Variants in PIBF1 observed in about 807,000 individuals in gnomAD.
PIBF1 encodes progesterone-induced-blocking factor 1.
PIBF1 carries 90 observed loss-of-function variants against 112.5 expected under a neutral mutation model. The ratio of observed to expected loss-of-function variants is 0.80; its 90% CI spans 0.67 to 0.95. The LOEUF (loss-of-function observed/expected upper bound fraction) is 0.95. Ranked by LOEUF, PIBF1 falls within the 40% of genes least tolerant of loss-of-function variation. The pLI is 0.00. For missense variants in PIBF1, 915 were observed against 852.3 expected (o/e 1.07, Z -0.92); for synonymous variants, 301 against 288.6 (o/e 1.04, Z -0.44).
chr13:72,817,728 A>G (rs1203497056), intron 5 of PIBF1, among the ~76,000 whole-genome samples: 4 of 152,190 alleles, frequency 2.6e-5, no homozygotes, highest in African/African-American at 2.4e-5. Flanking sequence ...TGCTAAGCTC[A>G]AGACATGGAA....
In PIBF1 at chr13:72,928,034, T is replaced by TAC. The variant is rs1484352255; in HGVS notation, c.1731-3130_1731-3129insCA. 2.7e-4 allele frequency among the ~76,000 whole-genome samples: 38 copies of TAC among 141,974 alleles called. 1 individual carries two copies. Among genetic ancestry groups the TAC allele is most frequent in the African/African-American group, 9.8e-4 (37 of 37,912 alleles). The allele number at this position is 141,974 out of a possible 152,430, so 93.1% of individuals were successfully genotyped here. A position where few individuals can be genotyped will look rare whatever the true frequency, so the allele number is the denominator to read the frequency against. On this transcript the variant is annotated intron_variant, in intron 13 of 17. Transcript: ENST00000326291. ...ATATATACATATATATACATATATATATATATATATACATATATATATGAG... is the reference window on the plus strand; with the variant it reads ...ATATATACATATATATACATATATATACATATATATATACATATATATATGAG...
At chr13:72,977,428 A>G (rs188610837) in intron 16 of PIBF1, among the ~76,000 whole-genome samples, 27 of 152,110 alleles carry the variant, frequency 1.8e-4, no homozygotes, top group African/African-American at 5.5e-4. Context: ...GACTGGTCTC[A>G]AACTCCTGAC....
chr13:72,940,613 CTA>C (rs1194260869), intron 14 of PIBF1, among the ~76,000 whole-genome samples: 1 of 152,000 alleles, frequency 6.6e-6, no homozygotes, highest in Non-Finnish European at 1.5e-5. Flanking sequence ...TTTTGTATTC[CTA>C]TATGTTTTTG....
At chr13:72,851,273 C>T (rs1047859206) in intron 9 of PIBF1, among the ~76,000 whole-genome samples, 1 of 152,216 alleles carries the variant, frequency 6.6e-6, no homozygotes, top group Non-Finnish European at 1.5e-5. Context: ...TCACTATCTT[C>T]GGCCTAGGGA....
In PIBF1 at chr13:72,935,584, C is replaced by T. The variant is rs111940299; in HGVS notation, c.1833+4317C>T. Reference sequence around the variant, plus strand: ...TAGGAGTAGACTGGCCGGATCATATCGTAGGTGTCTATTTGACATCTTAAG... The same window carrying T: ...TAGGAGTAGACTGGCCGGATCATATTGTAGGTGTCTATTTGACATCTTAAG... On this transcript the variant is annotated intron_variant, in intron 14 of 17. Coordinates refer to ENST00000326291, the MANE Select transcript of PIBF1 (RefSeq NM_006346.4). Among the ~76,000 whole-genome samples the T allele has an allele frequency of 6.9e-3, 1,053 of 152,188 alleles. 23 individuals are homozygous for T. The highest frequency in any genetic ancestry group is 0.024 in the African/African-American group (990 of 41,510).
At chr13:72,837,809 C>A (rs1377659693) in intron 9 of PIBF1, among the ~76,000 whole-genome samples, 1 of 152,106 alleles carries the variant, frequency 6.6e-6, no homozygotes, top group African/African-American at 2.4e-5. Flanking sequence ...GTGGCTTCTT[C>A]ACATAACCTT....
intron 10 of PIBF1, among the ~76,000 whole-genome samples, chr13:72,887,189 G>T (rs532172038): frequency 6.6e-6 from 1 of 151,428 alleles, no homozygotes; most frequent in Non-Finnish European, 1.5e-5. Flanking sequence ...TAAATATACA[G>T]ATAACTAAAA....
At chr13:72,991,782 G>A (rs1210929606) in intron 16 of PIBF1, among the ~76,000 whole-genome samples, 5 of 151,146 alleles carry the variant, frequency 3.3e-5, no homozygotes, top group Admixed American at 2.6e-4. Context: ...GCAGTGGCAC[G>A]ATCTCGGCTC....
intron 14 of PIBF1, among the ~76,000 whole-genome samples, chr13:72,962,304 A>G (rs1566494314): frequency 6.6e-6 from 1 of 152,204 alleles, no homozygotes; most frequent in African/African-American, 2.4e-5. Flanking sequence ...TCCATGTACA[A>G]TAGCATCAAA....
intron 16 of PIBF1, among the ~76,000 whole-genome samples, chr13:72,987,307 C>CT (rs11397801): frequency 0.26 from 36,977 of 144,566 alleles, 5,983 homozygotes; most frequent in African/African-American, 0.46. Context: ...TGTTGTTCTA[C>CT]TTTTTTTTTT....
intron 2 of PIBF1, among the ~76,000 whole-genome samples, chr13:72,790,993 G>T (rs147086452): frequency 6.6e-6 from 1 of 152,138 alleles, no homozygotes; most frequent in East Asian, 1.9e-4. Flanking sequence ...CAAGAGGAGG[G>T]ATTTACTTGC....
At chr13:72,801,662 C>A (rs1036019693) in intron 5 of PIBF1, among the ~76,000 whole-genome samples, 35 of 152,202 alleles carry the variant, frequency 2.3e-4, no homozygotes, top group African/African-American at 8.0e-4. Context: ...TTTGGGATAT[C>A]TGCTTAAAAC....
At position 72,936,094 on chromosome 13, in the gene PIBF1, C is replaced by G. The variant is rs2041866195; in HGVS notation, c.1833+4827C>G. Among the ~76,000 whole-genome samples, 3 of 151,956 alleles carry G rather than the reference C, an allele frequency of 2.0e-5. No homozygotes were observed. The South Asian group carries it at 6.2e-4, about 32-fold the overall frequency. Reference sequence around the variant, plus strand: ...CCAGGTTGGAGCGCAGTGGTGTAATCATAGCTCATTGCAGCCTCGAACTCT... The same window carrying G: ...CCAGGTTGGAGCGCAGTGGTGTAATGATAGCTCATTGCAGCCTCGAACTCT... On this transcript the variant is annotated intron_variant, in intron 14 of 17. Transcript: ENST00000326291.
At chr13:72,920,813 G>GA (rs898947986) in intron 13 of PIBF1, among the ~76,000 whole-genome samples, 114 of 146,630 alleles carry the variant, frequency 7.8e-4, no homozygotes, top group African/African-American at 2.2e-3. Flanking sequence ...AAAAAGAAAA[G>GA]AAAAAAAAAA....
chr13:72,947,743 C>A lies in PIBF1; in HGVS notation c.1833+16476C>A, dbSNP rs1056428100. Among the ~76,000 whole-genome samples the A allele has an allele frequency of 7.2e-5, 11 of 152,110 alleles. No homozygotes were observed. The South Asian group carries it at 8.3e-4, about 11-fold the overall frequency. On this transcript the variant is annotated intron_variant, in intron 14 of 17. Coordinates refer to ENST00000326291, the MANE Select transcript of PIBF1 (RefSeq NM_006346.4). ...CAGCAATCCCATCATTGGGTATATA[C>A]CCAAAGGATTATAAATCATTCTAAT...
chr13:72,880,834 G>C (rs2039596973), intron 10 of PIBF1, among the ~76,000 whole-genome samples: 1 of 152,094 alleles, frequency 6.6e-6, no homozygotes, highest in African/African-American at 2.4e-5. Context: ...TATATGTGCA[G>C]ATTTGTTACT....
intron 8 of PIBF1, 38 bp downstream of exon 8, chr13:72,827,952 A>G (rs1321237491): frequency 2.1e-6 from 3 of 1,405,694 alleles, no homozygotes; most frequent in South Asian, 1.7e-5. Context: ...ATAGATACCA[A>G]TTAACAGATT....
intron 10 of PIBF1, among the ~76,000 whole-genome samples, chr13:72,890,907 G>A (rs959893254): frequency 6.6e-6 from 1 of 151,988 alleles, no homozygotes; most frequent in African/African-American, 2.4e-5. Context: ...AATAATTTGA[G>A]GCAGATCCTT....
intron 10 of PIBF1, among the ~76,000 whole-genome samples, chr13:72,861,753 A>G (rs2138372612): frequency 6.6e-6 from 1 of 152,192 alleles, no homozygotes; most frequent in Non-Finnish European, 1.5e-5. Context: ...TTTAGTAGGT[A>G]TGGGGTTTCG....
Sources: gnomAD v4.1 joint callset for allele counts (sites outside exome capture counted in the v4.1 genomes callset) on GRCh38, gnomAD v4.1.1 for gene constraint, MANE v1.5 for transcripts, NCBI Gene and HGNC (gene_info 2026-07-23, HGNC 2026-07-21) for gene names.